Variants in PRKCE observed in about 807,000 individuals in gnomAD.
PRKCE encodes the protein protein kinase C epsilon, also known as protein kinase C epsilon type.
In PRKCE, 16 loss-of-function variants were observed where a neutral mutation model predicts 85.4. That is an observed-to-expected ratio of 0.19 (90% confidence interval 0.13 to 0.28). The LOEUF (loss-of-function observed/expected upper bound fraction) is 0.28. Among genes scored for constraint, PRKCE ranks in the 10% least tolerant of loss-of-function variants. The probability of loss-of-function intolerance (pLI) is 1.00; values close to 1 mark genes in which losing one functional copy is unlikely to be tolerated. For missense variants in PRKCE, 573 were observed against 975.2 expected (o/e 0.59, Z 5.49); for synonymous variants, 388 against 371.5 (o/e 1.04, Z -0.51).
At chr2:46,091,596 T>C (rs1438448164) in intron 11 of PRKCE, among the ~76,000 whole-genome samples, 1 of 152,224 alleles carries the variant, frequency 6.6e-6, no homozygotes, top group African/African-American at 2.4e-5. Flanking sequence ...TCCATAGCCC[T>C]GACCAAGTGT....
intron 2 of PRKCE, among the ~76,000 whole-genome samples, chr2:45,956,705 C>G (rs1478514134): frequency 6.6e-6 from 1 of 152,022 alleles, no homozygotes; most frequent in African/African-American, 2.4e-5. Flanking sequence ...AAAAAAGAAC[C>G]TGCAAACTCT....
At position 46,174,419 on chromosome 2, in the gene PRKCE, A is replaced by G. The variant is rs146136369; in HGVS notation, c.2068-10316A>G. ...ATTGTGAGACCCATTCAGCCAGGAG[A>G]TAACTTTTTTAAAATCGAATTAGTA... is the stretch of plus-strand genomic sequence containing the variant. On this transcript the variant is annotated intron_variant, in intron 14 of 14. Transcript: ENST00000306156. 5.4e-3 allele frequency among the ~76,000 whole-genome samples: 816 copies of G among 152,380 alleles called. 4 individuals are homozygous for G. Among genetic ancestry groups the G allele is most frequent in the African/African-American group, 0.019 (778 of 41,588 alleles).
rs529573478 is a variant in PRKCE, at chr2:45,976,327, A to C, written c.413-102A>C. ...ACAAAGGCTACCTCTCACCCACCCC[A>C]GCTCCACTCCCCCAGGGATGGAGTA... On this transcript the variant is annotated intron_variant, in intron 2 of 14. Coordinates refer to ENST00000306156, the MANE Select transcript of PRKCE (RefSeq NM_005400.3). The C allele has an allele frequency of 1.5e-5, 21 of 1,378,226 alleles. No homozygotes were observed. In the South Asian group the frequency reaches 2.6e-4, roughly 17 times the overall value. The allele number at this position is 1,378,226 out of a possible 1,614,324, so 85.4% of individuals were successfully genotyped here. A position where few individuals can be genotyped will look rare whatever the true frequency, so the allele number is the denominator to read the frequency against.
chr2:45,821,696 G>A (rs1689545387), intron 1 of PRKCE, among the ~76,000 whole-genome samples: 2 of 152,168 alleles, frequency 1.3e-5, no homozygotes, highest in East Asian at 3.8e-4. Flanking sequence ...ACTGGTGGTG[G>A]TAAATAAGGT....
chr2:45,863,151 G>A (rs1455708976), intron 2 of PRKCE, among the ~76,000 whole-genome samples: 1 of 152,106 alleles, frequency 6.6e-6, no homozygotes, highest in Non-Finnish European at 1.5e-5. Flanking sequence ...TGCAGAATTA[G>A]GCTACTCATT....
chr2:45,980,787 G>A (rs61764792), intron 5 of PRKCE, among the ~76,000 whole-genome samples: 43,812 of 152,056 alleles, frequency 0.29, 6,811 homozygotes, highest in Middle Eastern at 0.44. Context: ...GGTGTGGAAT[G>A]AGCAAGCCCA....
chr2:45,818,004 C>T (rs965020191), intron 1 of PRKCE, among the ~76,000 whole-genome samples: 5 of 152,212 alleles, frequency 3.3e-5, no homozygotes, highest in Admixed American at 6.5e-5. Context: ...CGGAGCTGAG[C>T]AGAGTTTAAA....
At chr2:46,031,451 T>C (rs1707506533) in intron 10 of PRKCE, among the ~76,000 whole-genome samples, 1 of 152,210 alleles carries the variant, frequency 6.6e-6, no homozygotes, top group South Asian at 2.1e-4. Flanking sequence ...TAGCATTTAT[T>C]AATTTTCCTT....
At chr2:45,867,224 C>G (rs1387624045) in intron 2 of PRKCE, among the ~76,000 whole-genome samples, 1 of 152,164 alleles carries the variant, frequency 6.6e-6, no homozygotes, top group Non-Finnish European at 1.5e-5. Flanking sequence ...CCAAATGCAC[C>G]TAAGAGGTTT....
intron 1 of PRKCE, among the ~76,000 whole-genome samples, chr2:45,779,712 T>A (rs1686036980): frequency 6.6e-6 from 1 of 152,164 alleles, no homozygotes; most frequent in Non-Finnish European, 1.5e-5. Flanking sequence ...TTTCTTTGCC[T>A]GTATATAGAT....
chr2:46,033,665 C>G (rs529250475), intron 10 of PRKCE, among the ~76,000 whole-genome samples: 1 of 152,318 alleles, frequency 6.6e-6, no homozygotes, highest in African/African-American at 2.4e-5. Flanking sequence ...TGTCCTAAAT[C>G]TGACTGGATT....
At chr2:45,772,340 G>C (rs1227616335) in intron 1 of PRKCE, among the ~76,000 whole-genome samples, 2 of 152,012 alleles carry the variant, frequency 1.3e-5, no homozygotes, top group Non-Finnish European at 2.9e-5. Context: ...TAAGGAGAAA[G>C]AGAAACAGAG....
chr2:46,106,119 T>C (rs1671692229), intron 11 of PRKCE, among the ~76,000 whole-genome samples: 1 of 152,196 alleles, frequency 6.6e-6, no homozygotes, highest in African/African-American at 2.4e-5. Context: ...CTGCAAACAT[T>C]TTTCCAATAT....
At chr2:46,015,878 G>T (rs1706100775) in intron 10 of PRKCE, among the ~76,000 whole-genome samples, 1 of 152,164 alleles carries the variant, frequency 6.6e-6, no homozygotes, top group Admixed American at 6.5e-5. Context: ...GAGAGTGTGT[G>T]AGCAGGTTTG....
chr2:45,969,673 C>T (rs1475199526), intron 2 of PRKCE, among the ~76,000 whole-genome samples: 1 of 152,158 alleles, frequency 6.6e-6, no homozygotes, highest in African/African-American at 2.4e-5. Context: ...GAGGGAGCAC[C>T]TCATTACCTA....
At chr2:45,935,805 G>C (rs1000486920) in intron 2 of PRKCE, among the ~76,000 whole-genome samples, 7 of 150,540 alleles carry the variant, frequency 4.6e-5, no homozygotes, top group Non-Finnish European at 8.9e-5. Context: ...AAAAATCGCA[G>C]CTTAGCTGAA....
At chr2:45,672,995 C>T (rs1454785107) in intron 1 of PRKCE, among the ~76,000 whole-genome samples, 1 of 152,172 alleles carries the variant, frequency 6.6e-6, no homozygotes, top group Non-Finnish European at 1.5e-5. Context: ...CCACTCTACT[C>T]CAGCCTGGGC....
intron 1 of PRKCE, among the ~76,000 whole-genome samples, chr2:45,744,451 T>TTC (rs1161305072): frequency 1.7e-5 from 1 of 57,686 alleles, no homozygotes; most frequent in African/African-American, 7.9e-5. Context: ...CTTTCTTTCT[T>TTC]TCTTTCTTTC....
At chr2:45,863,445 C>G (rs1045236826) in intron 2 of PRKCE, among the ~76,000 whole-genome samples, 2 of 151,980 alleles carry the variant, frequency 1.3e-5, no homozygotes, top group Non-Finnish European at 2.9e-5. Flanking sequence ...GAATCAGGAC[C>G]CCAAACAGCT....
Sources: allele counts gnomAD v4.1 joint callset (sites outside exome capture counted in the v4.1 genomes callset), GRCh38; gene constraint gnomAD v4.1.1; transcripts MANE v1.5; gene names NCBI Gene and HGNC (gene_info 2026-07-23, HGNC 2026-07-21).